Variants in PXDNL observed in about 807,000 individuals in gnomAD.
The protein encoded by PXDNL is probable oxidoreductase PXDNL.
A neutral mutation model predicts 150.8 loss-of-function variants in PXDNL; 145 were observed. The observed-to-expected ratio is 0.96, with a 90% CI of 0.84 to 1.10. The LOEUF (loss-of-function observed/expected upper bound fraction) is 1.10, where lower values mean the gene tolerates loss of function less well. Ranked by LOEUF, PXDNL falls within the 50% of genes least tolerant of loss-of-function variation. The pLI, the probability that PXDNL is intolerant of heterozygous loss-of-function variation, is 0.00. For synonymous variants in PXDNL, 757 were observed against 725.7 expected (o/e 1.04, Z -0.69); for missense variants, 2,087 against 1,873.9 (o/e 1.11, Z -2.10).
chr8:51,388,301 G>C (rs977317821), intron 17 of PXDNL, among the ~76,000 whole-genome samples: 4 of 151,848 alleles, frequency 2.6e-5, no homozygotes, highest in African/African-American at 9.7e-5. Flanking sequence ...TTAGAAATCT[G>C]GTTTTTTTAT....
intron 1 of PXDNL, among the ~76,000 whole-genome samples, chr8:51,657,614 A>G (rs1815179287): frequency 6.6e-6 from 1 of 152,252 alleles, no homozygotes; most frequent in Non-Finnish European, 1.5e-5. Flanking sequence ...ACACTTGGAA[A>G]AATGTTTGCC....
chr8:51,378,799 A>G (rs1313885216), intron 17 of PXDNL, among the ~76,000 whole-genome samples: 1 of 152,020 alleles, frequency 6.6e-6, no homozygotes, highest in Non-Finnish European at 1.5e-5. Flanking sequence ...CTGCAGCTTC[A>G]CTCCTGAAGC....
chr8:51,347,132 C>T (rs889407754), intron 19 of PXDNL, among the ~76,000 whole-genome samples: 2 of 152,064 alleles, frequency 1.3e-5, no homozygotes, highest in African/African-American at 2.4e-5. Context: ...ACCATGCAAT[C>T]GAATTTAACA....
At chr8:51,395,755 C>T (rs1808062713) in intron 17 of PXDNL, among the ~76,000 whole-genome samples, 1 of 152,136 alleles carries the variant, frequency 6.6e-6, no homozygotes, top group South Asian at 2.1e-4. Flanking sequence ...TGGCTATGTT[C>T]CTTCTTGCTT....
At chr8:51,467,387 T>A (rs970604806) in intron 8 of PXDNL, among the ~76,000 whole-genome samples, 3 of 152,102 alleles carry the variant, frequency 2.0e-5, no homozygotes, top group African/African-American at 7.2e-5. Flanking sequence ...GACCTACAAA[T>A]ATTCCCACTT....
chr8:51,803,623 C>T (rs913465872), intron 1 of PXDNL, among the ~76,000 whole-genome samples: 12 of 152,186 alleles, frequency 7.9e-5, no homozygotes, highest in African/African-American at 2.9e-4. Flanking sequence ...TCCAGGACCA[C>T]AGTGTTGCAC....
chr8:51,774,443 T>G (rs2037330112), intron 1 of PXDNL, among the ~76,000 whole-genome samples: 1 of 152,190 alleles, frequency 6.6e-6, no homozygotes. Context: ...GATTAAAATA[T>G]TAACAACTTT....
At chr8:51,597,659 GTGTGTGTGTGTGTTTA>G (rs1813602624) in intron 2 of PXDNL, among the ~76,000 whole-genome samples, 1 of 150,342 alleles carries the variant, frequency 6.7e-6, no homozygotes, top group African/African-American at 2.4e-5. Flanking sequence ...ATTTGTGTGT[GTGTGTGTGTGTGTTTA>G]TGTGTGTGTA....
chr8:51,385,092 G>C (rs1458995435), intron 17 of PXDNL, among the ~76,000 whole-genome samples: 2 of 152,042 alleles, frequency 1.3e-5, no homozygotes, highest in African/African-American at 4.8e-5. Flanking sequence ...TTGAACAATA[G>C]CATGTTTGAA....
intron 12 of PXDNL, chr8:51,436,225 T>C: frequency 1.9e-6 from 1 of 522,178 alleles, no homozygotes. Context: ...TGTGTTGACT[T>C]TCACCATTTT....
At chr8:51,501,372 A>G (rs1009817903) in intron 4 of PXDNL, among the ~76,000 whole-genome samples, 1 of 151,820 alleles carries the variant, frequency 6.6e-6, no homozygotes, top group Non-Finnish European at 1.5e-5. Flanking sequence ...ACACTGACAC[A>G]CTCTGACACA....
intron 3 of PXDNL, among the ~76,000 whole-genome samples, chr8:51,577,997 AAG>A (rs1347520336): frequency 1.1e-4 from 4 of 36,576 alleles, no homozygotes; most frequent in South Asian, 2.1e-3. Flanking sequence ...GAAAGAAAGA[AAG>A]AGGAAGGAAG....
chr8:51,403,885 A>G (rs1386491637), intron 17 of PXDNL, among the ~76,000 whole-genome samples: 1 of 152,192 alleles, frequency 6.6e-6, no homozygotes, highest in Admixed American at 6.5e-5. Flanking sequence ...GGTGAGTGTT[A>G]CAGGTCTTAA....
intron 4 of PXDNL, among the ~76,000 whole-genome samples, chr8:51,515,913 G>T (rs2130363989): frequency 6.6e-6 from 1 of 152,126 alleles, no homozygotes; most frequent in Non-Finnish European, 1.5e-5. Context: ...GTACTCGTCT[G>T]GTTCAAGTTT....
At chr8:51,546,463 C>A (rs1477606851) in intron 4 of PXDNL, among the ~76,000 whole-genome samples, 1 of 152,126 alleles carries the variant, frequency 6.6e-6, no homozygotes, top group Non-Finnish European at 1.5e-5. Flanking sequence ...CTCCTGGTCA[C>A]CAGCTTGAGT....
At chr8:51,740,031 ATT>A (rs1488540121) in intron 1 of PXDNL, among the ~76,000 whole-genome samples, 1 of 152,216 alleles carries the variant, frequency 6.6e-6, no homozygotes, top group Admixed American at 6.5e-5. Flanking sequence ...CAAAATGCTG[ATT>A]AAAGAAACTA....
intron 1 of PXDNL, among the ~76,000 whole-genome samples, chr8:51,686,439 G>A (rs1247527541): frequency 2.6e-5 from 4 of 152,224 alleles, no homozygotes; most frequent in Non-Finnish European, 5.9e-5. Flanking sequence ...CAGCAAAATA[G>A]CAGTAATTGC....
intron 2 of PXDNL, among the ~76,000 whole-genome samples, chr8:51,638,630 C>T (rs1021981673): frequency 6.6e-6 from 1 of 152,094 alleles, no homozygotes; most frequent in African/African-American, 2.4e-5. Context: ...GTAAAGGGAT[C>T]AATTCAACAA....
chr8:51,319,654 T>C lies in PXDNL; in HGVS notation c.*237A>G. ...AACTGACAGCTTACAGTAAGAAATA[T>C]TTCTTATGATCAAACACTTCATATG... On this transcript the variant is annotated 3_prime_UTR_variant, in exon 23 of 23. Coordinates refer to ENST00000356297, the MANE Select transcript of PXDNL (RefSeq NM_144651.5). 1 of 275,268 alleles carries C rather than the reference T, an allele frequency of 3.6e-6. No homozygotes were observed. The highest frequency in any genetic ancestry group is 1.6e-4 in the South Asian group (1 of 6,080). 17.1% of individuals were successfully genotyped at this position (275,268 alleles called of 1,614,324 possible).
Sources: allele counts gnomAD v4.1 joint callset (sites outside exome capture counted in the v4.1 genomes callset), GRCh38; gene constraint gnomAD v4.1.1; transcripts MANE v1.5; gene names NCBI Gene and HGNC (gene_info 2026-07-23, HGNC 2026-07-21).